WASHC3: variants seen among roughly 807,000 people sequenced by gnomAD.
WASHC3 encodes WASH complex subunit CCDC53.
WASHC3 carries 24 observed loss-of-function variants against 26.1 expected under a neutral mutation model. The ratio of observed to expected loss-of-function variants is 0.92; its 90% CI spans 0.66 to 1.29. WASHC3 has a LOEUF of 1.29. Among genes scored for constraint, WASHC3 ranks in the 50% most tolerant of loss-of-function variants. The pLI is 0.00. For synonymous variants in WASHC3, 77 were observed against 75.7 expected, an observed-to-expected ratio of 1.02 and a Z score of -0.09; for missense variants, 214 against 229.6, an observed-to-expected ratio of 0.93 and a Z score of 0.44.
intron 2 of WASHC3, among the ~76,000 whole-genome samples, chr12:102,048,681 A>G (rs934022265): frequency 5.3e-5 from 8 of 152,088 alleles, no homozygotes; most frequent in African/African-American, 1.9e-4. Context: ...AGATTTCCTT[A>G]TACTTCAAAA....
At chr12:102,060,043 CAAGT>C (rs1232091021) in intron 2 of WASHC3, among the ~76,000 whole-genome samples, 1 of 152,174 alleles carries the variant, frequency 6.6e-6, no homozygotes, top group Non-Finnish European at 1.5e-5. Flanking sequence ...GAATTTCATA[CAAGT>C]AAAAAATAGT....
At chr12:102,021,473 C>T (rs1426466656) in intron 6 of WASHC3, among the ~76,000 whole-genome samples, 1 of 152,178 alleles carries the variant, frequency 6.6e-6, no homozygotes, top group African/African-American at 2.4e-5. Flanking sequence ...TTAACATCTC[C>T]TCTTTGATAT....
At chr12:102,057,753 A>G (rs1311218922) in intron 2 of WASHC3, among the ~76,000 whole-genome samples, 1 of 152,164 alleles carries the variant, frequency 6.6e-6, no homozygotes, top group Non-Finnish European at 1.5e-5. Flanking sequence ...GATGAAAAAA[A>G]TTGAAGAAGA....
At chr12:102,040,108 A>C in intron 4 of WASHC3, 130 bp from the exon 5 acceptor site, 2 of 413,998 alleles carry the variant, frequency 4.8e-6, no homozygotes, top group Non-Finnish European at 8.8e-6. Flanking sequence ...CCCCCAATTT[A>C]AATACCAATA....
chr12:102,053,409 C>T (rs1003068383), intron 2 of WASHC3, among the ~76,000 whole-genome samples: 2 of 152,228 alleles, frequency 1.3e-5, no homozygotes, highest in Non-Finnish European at 2.9e-5. Flanking sequence ...GCCTGCCATG[C>T]ACCACAACAG....
chr12:102,051,712 G>A (rs1175526785), intron 2 of WASHC3, among the ~76,000 whole-genome samples: 2 of 152,110 alleles, frequency 1.3e-5, no homozygotes, highest in Non-Finnish European at 2.9e-5. Flanking sequence ...CAACTACTGG[G>A]GGCATGCAAA....
chr12:102,019,898 GTGCACAT>G (rs1876876532), intron 6 of WASHC3, among the ~76,000 whole-genome samples: 1 of 152,156 alleles, frequency 6.6e-6, no homozygotes. Context: ...ACCAGATGCT[GTGCACAT>G]TCTAATTTTG....
chr12:102,049,818 A>G (rs1207333000), intron 2 of WASHC3, among the ~76,000 whole-genome samples: 1 of 152,202 alleles, frequency 6.6e-6, no homozygotes, highest in Non-Finnish European at 1.5e-5. Context: ...GGTTAAAGAT[A>G]TAAGAGCAAA....
chr12:102,041,289 T>A (rs1228219545), intron 4 of WASHC3, among the ~76,000 whole-genome samples: 1 of 152,000 alleles, frequency 6.6e-6, no homozygotes, highest in Non-Finnish European at 1.5e-5. Flanking sequence ...CCTGGCCAGA[T>A]ATCAATTCTC....
intron 3 of WASHC3, among the ~76,000 whole-genome samples, chr12:102,044,446 T>G (rs1878071315): frequency 6.6e-6 from 1 of 152,186 alleles, no homozygotes; most frequent in Non-Finnish European, 1.5e-5. Flanking sequence ...ACAATCCTAG[T>G]GTAAGGACTG....
intron 5 of WASHC3, among the ~76,000 whole-genome samples, chr12:102,034,973 TATATACAC>T (rs1180036501): frequency 6.6e-6 from 1 of 152,016 alleles, no homozygotes; most frequent in Admixed American, 6.6e-5. Context: ...TAAATCAAAA[TATATACAC>T]ATATATGGAA....
chr12:102,061,398 C>T lies in WASHC3; in HGVS notation c.52-52G>A. 2.6e-6 allele frequency: 3 copies of T among 1,165,670 alleles called. No individual in the cohort carries two copies. In the South Asian group the frequency reaches 3.8e-5, roughly 15 times the overall value. 72.2% of individuals were successfully genotyped at this position (1,165,670 alleles called of 1,614,324 possible). A position where few individuals can be genotyped will look rare whatever the true frequency, so the allele number is the denominator to read the frequency against. On this transcript the variant is annotated intron_variant, in intron 1 of 6. Coordinates refer to ENST00000240079, the MANE Select transcript of WASHC3 (RefSeq NM_016053.4). The stretch of plus-strand genomic sequence containing the variant: ...TCATACAGGAGGAACGTACACAGTG[C>T]AAATCTTTTCATATTTGGACATAAT...
intron 5 of WASHC3, among the ~76,000 whole-genome samples, chr12:102,031,061 G>A (rs931079314): frequency 6.6e-6 from 1 of 152,162 alleles, no homozygotes; most frequent in African/African-American, 2.4e-5. Context: ...AAGGCAACAT[G>A]GAGGGTTCAA....
chr12:102,016,616 T>C (rs1202022377), intron 6 of WASHC3, among the ~76,000 whole-genome samples: 1 of 152,200 alleles, frequency 6.6e-6, no homozygotes, highest in Non-Finnish European at 1.5e-5. Context: ...ATTGTTACAA[T>C]AGAAAATAGC....
chr12:102,049,852 C>T (rs56256745), intron 2 of WASHC3, among the ~76,000 whole-genome samples: 5,949 of 152,160 alleles, frequency 0.039, 165 homozygotes, highest in African/African-American at 0.071. Flanking sequence ...AAAATATTAT[C>T]TGATTAAAGG....
At position 102,023,939 on chromosome 12, in the gene WASHC3, GC is replaced by G. The variant is rs202037639; in HGVS notation, c.500+2034del. On this transcript the variant is annotated intron_variant, in intron 6 of 6. Transcript: ENST00000240079. Reference sequence around the variant, plus strand: ...GTGAGACACAAGGAAATGTTGAAGGGCCTGGGATCTTCCTCCGTGGTAGTTA... The same window carrying G: ...GTGAGACACAAGGAAATGTTGAAGGGCTGGGATCTTCCTCCGTGGTAGTTA... Among the ~76,000 whole-genome samples, 92 of 152,272 alleles carry G rather than the reference GC, an allele frequency of 6.0e-4. 1 individual carries two copies. The East Asian group carries it at 0.016, about 27-fold the overall frequency.
chr12:102,036,180 C>T (rs1218887788), intron 5 of WASHC3, among the ~76,000 whole-genome samples: 1 of 151,732 alleles, frequency 6.6e-6, no homozygotes, highest in Non-Finnish European at 1.5e-5. Flanking sequence ...GCCAACAGGG[C>T]GAAACCCCGT....
chr12:102,020,371 T>C (rs1468552108), intron 6 of WASHC3, among the ~76,000 whole-genome samples: 1 of 152,212 alleles, frequency 6.6e-6, no homozygotes, highest in African/African-American at 2.4e-5. Context: ...ATTTTTCAGC[T>C]ATGAGAGTCC....
intron 2 of WASHC3, among the ~76,000 whole-genome samples, chr12:102,050,791 C>A (rs1385050685): frequency 6.6e-6 from 1 of 152,226 alleles, no homozygotes; most frequent in Non-Finnish European, 1.5e-5. Context: ...ATGCATAGAG[C>A]TTATGTTGCT....
Sources: allele counts gnomAD v4.1 joint callset (sites outside exome capture counted in the v4.1 genomes callset), GRCh38; gene constraint gnomAD v4.1.1; transcripts MANE v1.5; gene names NCBI Gene and HGNC (gene_info 2026-07-23, HGNC 2026-07-21).